CRYM: variants seen among roughly 807,000 people sequenced by gnomAD.
CRYM encodes ketimine reductase mu-crystallin.
Under a neutral mutation model 32.9 loss-of-function variants are expected in CRYM, and 18 were observed. That is an observed-to-expected ratio of 0.55 (90% CI 0.38 to 0.81). The LOEUF is 0.81. Among genes scored for constraint, CRYM ranks in the 30% least tolerant of loss-of-function variants. The pLI is 0.00. For missense variants in CRYM, 337 were observed against 393.5 expected, an observed-to-expected ratio of 0.86 and a Z score of 1.21; for synonymous variants, 153 against 152.4, an observed-to-expected ratio of 1.00 and a Z score of -0.03.
In CRYM at chr16:21,275,596, T is replaced by C. The variant is rs758266921; in HGVS notation, c.325-2A>G. The stretch of plus-strand genomic sequence containing the variant: ...AGTTATGACATTTCCATCCATGACC[T>C]TGGAGGAAAAGAGAGACAGTGAGCA... On this transcript the variant is annotated splice_acceptor_variant, in intron 2 of 7. Transcript: ENST00000572914. LOFTEE classifies it high-confidence loss of function. 1.2e-6 allele frequency: 2 copies of C among 1,613,680 alleles called. No individual in the cohort carries two copies. Among genetic ancestry groups the C allele is most frequent in the Admixed American group, 3.3e-5 (2 of 60,010 alleles).
At chr16:21,301,614 A>T (rs1403146413) in intron 1 of CRYM, among the ~76,000 whole-genome samples, 3 of 152,196 alleles carry the variant, frequency 2.0e-5, no homozygotes, top group Non-Finnish European at 4.4e-5. Context: ...CGTGCGGAAG[A>T]GGGACTGAGG....
chr16:21,297,195 C>T (rs1290596397), intron 1 of CRYM, among the ~76,000 whole-genome samples: 1 of 151,758 alleles, frequency 6.6e-6, no homozygotes, highest in Non-Finnish European at 1.5e-5. Context: ...GAGTTCGAGA[C>T]CAGCCCGGTC....
In CRYM at chr16:21,275,521, A is replaced by G. The variant is rs775016762; in HGVS notation, c.387+11T>C. 4 of 1,612,906 alleles carry G rather than the reference A, an allele frequency of 2.5e-6. No homozygotes were observed. The highest frequency in any genetic ancestry group is 3.3e-5 in the Admixed American group (2 of 59,988). ...GCTCACCTTAATGGTACAGCCAGCCATTCATCTTACCTTGGTGGCAATGGC... is the reference window on the plus strand; with the variant it reads ...GCTCACCTTAATGGTACAGCCAGCCGTTCATCTTACCTTGGTGGCAATGGC... On this transcript the variant is annotated intron_variant, in intron 3 of 7. Coordinates refer to ENST00000572914, the MANE Select transcript of CRYM (RefSeq NM_001376256.1).
At chr16:21,279,729 A>G (rs1291858649), upstream of CRYM, among the ~76,000 whole-genome samples, 1 of 152,188 alleles carries the variant, frequency 6.6e-6, no homozygotes, top group East Asian at 1.9e-4. Flanking sequence ...GCTTTGTGGT[A>G]TTTTGGTTGG....
Position 21,277,323 on chromosome 16 carries a change from G to A in CRYM, c.324+108C>T. 2 of 1,156,040 alleles carry A rather than the reference G, an allele frequency of 1.7e-6. No individual in the cohort carries two copies. Among genetic ancestry groups the A allele is most frequent in the Non-Finnish European group, 2.5e-6 (2 of 798,168 alleles). The allele number at this position is 1,156,040 out of a possible 1,614,324, so 71.6% of individuals were successfully genotyped here. On this transcript the variant is annotated intron_variant, in intron 2 of 7. Transcript: ENST00000572914. The surrounding 1 kb of genome is among the most constrained non-coding windows in gnomAD (Gnocchi z 4.2). ...TGCTGGTATCCAGTCACTTGCAGAG[G>A]GGCACGCGTAGTCACAATCAAGACT...
rs1287955726 is a variant in CRYM at position 21,277,840 on chromosome 16, TCA to T, written c.170+240_170+241del. Reference sequence around the variant, plus strand: ...GTAAGTCACTTAACCTCTCTGAGTCTCAGTTTTCCACCAATCAAATGGTGGTA... The same window carrying T: ...GTAAGTCACTTAACCTCTCTGAGTCTGTTTTCCACCAATCAAATGGTGGTA... On this transcript the variant is annotated intron_variant, in intron 1 of 7. Transcript: ENST00000572914. The surrounding 1 kb of genome is among the most constrained non-coding windows in gnomAD (Gnocchi z 4.2). Among the ~76,000 whole-genome samples the T allele has an allele frequency of 6.6e-6, 1 of 152,116 alleles. No homozygotes were observed. The highest frequency in any genetic ancestry group is 1.5e-5 in the Non-Finnish European group (1 of 68,024).
At chr16:21,301,435 T>C (rs1597635951) in intron 1 of CRYM, 1 of 126,094 alleles carries the variant, frequency 7.9e-6, no homozygotes, top group African/African-American at 3.0e-5. Flanking sequence ...ACGAGGTGGG[T>C]GGGAGCATGA....
At chr16:21,261,152 T>C in intron 7 of CRYM, 102 bp downstream of exon 7, 1 of 876,172 alleles carries the variant, frequency 1.1e-6, no homozygotes, top group South Asian at 1.4e-5. Flanking sequence ...TGGAGCACAA[T>C]GATTCAGCTG....
upstream of CRYM, among the ~76,000 whole-genome samples, chr16:21,281,637 T>C (rs1280707385): frequency 6.6e-6 from 1 of 152,210 alleles, no homozygotes; most frequent in East Asian, 1.9e-4. Flanking sequence ...GACAAGAGAC[T>C]GATTTCAGTA....
At chr16:21,271,829 C>A (rs2093375879) in intron 3 of CRYM, among the ~76,000 whole-genome samples, 1 of 151,880 alleles carries the variant, frequency 6.6e-6, no homozygotes, top group Non-Finnish European at 1.5e-5. Context: ...TAATTTGTTG[C>A]CCTGGTAATA....
intron 1 of CRYM, among the ~76,000 whole-genome samples, chr16:21,294,816 T>C (rs1418146849): frequency 1.3e-5 from 2 of 150,848 alleles, no homozygotes; most frequent in Non-Finnish European, 2.9e-5. Flanking sequence ...TGCCTCAGCC[T>C]CCCAAGTAGC....
chr16:21,280,792 C>G (rs972053990), upstream of CRYM, among the ~76,000 whole-genome samples: 1 of 152,126 alleles, frequency 6.6e-6, no homozygotes, highest in Non-Finnish European at 1.5e-5. Context: ...TTTGTTTTCC[C>G]CAGCCCTGCT....
intron 1 of CRYM, among the ~76,000 whole-genome samples, chr16:21,290,082 C>A (rs1027113675): frequency 1.3e-5 from 2 of 151,962 alleles, no homozygotes; most frequent in Non-Finnish European, 2.9e-5. Flanking sequence ...GTAAAATGGA[C>A]CAATCAGCAG....
intron 1 of CRYM, among the ~76,000 whole-genome samples, chr16:21,290,154 C>G (rs748099760): frequency 5.3e-5 from 8 of 152,140 alleles, no homozygotes; most frequent in East Asian, 1.9e-4. Flanking sequence ...GTGGCAATGT[C>G]GGATCCCCTT....
At chr16:21,301,511 G>A (rs931205343) in intron 1 of CRYM, among the ~76,000 whole-genome samples, 52 of 152,300 alleles carry the variant, frequency 3.4e-4, no homozygotes, top group Admixed American at 1.9e-3. Flanking sequence ...AAGCAGGGAA[G>A]AAGTAACGTT....
intron 2 of CRYM, among the ~76,000 whole-genome samples, chr16:21,276,892 TTTAAGTA>T (rs767267030): frequency 1.3e-5 from 2 of 152,156 alleles, no homozygotes; most frequent in South Asian, 2.1e-4. Flanking sequence ...ATAGAATAGT[TTTAAGTA>T]TTAAGAGGAT....
intron 7 of CRYM, 193 bp downstream of exon 7, chr16:21,261,061 G>C (rs1252086189): frequency 1.3e-5 from 8 of 637,480 alleles, no homozygotes; most frequent in African/African-American, 1.8e-5. Context: ...GCGGGGAAGG[G>C]ACTCTGACCC....
intron 1 of CRYM, among the ~76,000 whole-genome samples, chr16:21,293,805 C>G (rs1824537911): frequency 6.6e-6 from 1 of 152,112 alleles, no homozygotes; most frequent in Non-Finnish European, 1.5e-5. Context: ...AGCTTACAAA[C>G]TAATCAAAAT....
In CRYM at chr16:21,258,798, A is replaced by G. The variant is rs2093349027; in HGVS notation, c.928T>C (p.Trp310Arg). ...CCTTTGTTTTATTTACCAGATGACC[A>G]GGAATCATAGATGAGTTTGGCTGCA... ...TVAAKLIYDS[W>R]SSGK The change falls in exon 8 of 8, where the codon TGG becomes CGG. Residue 310 changes from tryptophan to arginine, a missense_variant. By Grantham distance (101) the Trp-to-Arg change is moderately radical. Coordinates refer to ENST00000572914, the MANE Select transcript of CRYM (RefSeq NM_001376256.1). The G allele has an allele frequency of 1.9e-6, 3 of 1,614,070 alleles. No homozygotes were observed. Among genetic ancestry groups the G allele is most frequent in the Non-Finnish European group, 2.5e-6 (3 of 1,179,952 alleles).
Sources: gnomAD v4.1 joint callset for allele counts (sites outside exome capture counted in the v4.1 genomes callset) on GRCh38, gnomAD v4.1.1 for gene constraint, Gnocchi (gnomAD v3.1) non-coding constraint, MANE v1.5 for transcripts, NCBI Gene and HGNC (gene_info 2026-07-23, HGNC 2026-07-21) for gene names.